PIP5K1C: variants seen among roughly 807,000 people sequenced by gnomAD.
PIP5K1C encodes the protein phosphatidylinositol-4-phosphate 5-kinase type 1 gamma.
In PIP5K1C, 45 loss-of-function variants were observed where a neutral mutation model predicts 80.1. That is an observed-to-expected ratio of 0.56 (90% CI 0.44 to 0.72). The LOEUF (loss-of-function observed/expected upper bound fraction) is 0.72. Among genes scored for constraint, PIP5K1C ranks in the 30% least tolerant of loss-of-function variants. The pLI, the probability that PIP5K1C is intolerant of heterozygous loss-of-function variation, is 0.00. For synonymous variants in PIP5K1C, 498 were observed against 420.1 expected, an observed-to-expected ratio of 1.19 and a Z score of -2.27; for missense variants, 753 against 954.6, an observed-to-expected ratio of 0.79 and a Z score of 2.78.
chr19:3,635,150 G>T (rs530891597), intron 16 of PIP5K1C, among the ~76,000 whole-genome samples: 50 of 152,400 alleles, frequency 3.3e-4, no homozygotes, highest in Middle Eastern at 6.8e-3. Context: ...CCGCAGGGAG[G>T]AGGGTGGCAG....
intron 6 of PIP5K1C, among the ~76,000 whole-genome samples, chr19:3,655,094 C>CTGGGTGACA (rs1202698959): frequency 8.5e-4 from 90 of 105,680 alleles, no homozygotes; most frequent in African/African-American, 3.3e-3. Flanking sequence ...GGTGACAGAG[C>CTGGGTGACA]GAGACTCCAT....
intron 1 of PIP5K1C, among the ~76,000 whole-genome samples, chr19:3,676,547 C>G (rs1385428840): frequency 3.9e-5 from 6 of 152,210 alleles, no homozygotes; most frequent in Admixed American, 6.5e-5. Flanking sequence ...GCCTTCGCCC[C>G]CCACGGCCCA....
At position 3,653,300 on chromosome 19, in the gene PIP5K1C, C is replaced by T. The variant is rs889464082; in HGVS notation, c.911G>A (p.Arg304Gln). ...TFSALVKTLQ[R>Q]DCLVLESFKI... The stretch of plus-strand genomic sequence containing the variant: ...GGGCCGAGCCCTCACCAGGCAGTCC[C>T]GCTGCAGCGTCTTGACCAGGGCGCT... Residue 304 changes from arginine to glutamine, a missense_variant, in exon 7 of 18, where the codon CGG (arginine) becomes CAG (glutamine). This residue lies in a region of PIP5K1C where 105 missense variants were observed against 133.4 expected (regional missense o/e 0.79). Coordinates refer to ENST00000335312, the MANE Select transcript of PIP5K1C (RefSeq NM_012398.3). 1 of 1,607,406 alleles carries T rather than the reference C, an allele frequency of 6.2e-7. No homozygotes were observed. The highest frequency in any genetic ancestry group is 8.5e-7 in the Non-Finnish European group (1 of 1,179,842).
intron 1 of PIP5K1C, among the ~76,000 whole-genome samples, chr19:3,669,303 G>A (rs1213595672): frequency 6.6e-6 from 1 of 152,208 alleles, no homozygotes; most frequent in Non-Finnish European, 1.5e-5. Flanking sequence ...CTCTGGGCTG[G>A]GCAGCAGTGC....
Position 3,637,966 on chromosome 19 carries a change from C to CG in PIP5K1C, c.1920+917_1920+918insC. 6.5e-7 allele frequency: 1 copy of CG among 1,532,900 alleles called. No individual in the cohort carries two copies. The highest frequency in any genetic ancestry group is 2.4e-5 in the East Asian group (1 of 40,892). The allele number at this position is 1,532,900 out of a possible 1,614,324, so 95.0% of individuals were successfully genotyped here. On this transcript the variant is annotated intron_variant, in intron 16 of 17. Coordinates refer to ENST00000335312, the MANE Select transcript of PIP5K1C (RefSeq NM_012398.3). This position sits in a 1 kb window ranked among gnomAD's most constrained non-coding sequence, Gnocchi z 7.0. ...CAGGCACGCGGCCCGTCCCTCCCTT[C>CG]TCCAGGGCCAGGTGGGTGCATGGGG...
At chr19:3,683,305 G>A (rs1342211488) in intron 1 of PIP5K1C, among the ~76,000 whole-genome samples, 4 of 152,290 alleles carry the variant, frequency 2.6e-5, no homozygotes, top group African/African-American at 4.8e-5. Flanking sequence ...GGAGTTCCAC[G>A]GAGATCTGGG....
At chr19:3,646,585 A>G in intron 10 of PIP5K1C, among the ~76,000 whole-genome samples, 1 of 152,198 alleles carries the variant, frequency 6.6e-6, no homozygotes, top group South Asian at 2.1e-4. Context: ...GCGGCAGCAC[A>G]GGACACCCTG....
intron 16 of PIP5K1C, among the ~76,000 whole-genome samples, chr19:3,635,539 T>C (rs1360108645): frequency 6.6e-6 from 1 of 151,794 alleles, no homozygotes; most frequent in Non-Finnish European, 1.5e-5. Context: ...CAAAAAATTA[T>C]TGGGGCATGG....
intron 1 of PIP5K1C, among the ~76,000 whole-genome samples, chr19:3,670,341 G>C (rs995475929): frequency 6.6e-6 from 1 of 152,082 alleles, no homozygotes; most frequent in Non-Finnish European, 1.5e-5. Flanking sequence ...GAGTGGGGTG[G>C]GCCCTGGATC....
intron 1 of PIP5K1C, among the ~76,000 whole-genome samples, chr19:3,674,613 C>G (rs1201270349): frequency 6.6e-6 from 1 of 152,208 alleles, no homozygotes; most frequent in East Asian, 1.9e-4. Flanking sequence ...AGCGATTCTC[C>G]TGCCTCAGCC....
At position 3,697,446 on chromosome 19, in the gene PIP5K1C, G is replaced by A. The variant is rs538700030; in HGVS notation, c.94+2851C>T. Among the ~76,000 whole-genome samples, 4 of 151,740 alleles carry A rather than the reference G, an allele frequency of 2.6e-5. No individual in the cohort carries two copies. In the South Asian group the frequency reaches 6.3e-4, roughly 24 times the overall value. ...CGGAGGAGGACCGAGCTGTACGGAG[G>A]AGGACCGAGCTGGACCGAGGAGGAC... On this transcript the variant is annotated intron_variant, in intron 1 of 17. Coordinates refer to ENST00000335312, the MANE Select transcript of PIP5K1C (RefSeq NM_012398.3).
chr19:3,695,357 G>C (rs2036070174), intron 1 of PIP5K1C, among the ~76,000 whole-genome samples: 1 of 152,206 alleles, frequency 6.6e-6, no homozygotes, highest in African/African-American at 2.4e-5. Context: ...TCCTCCAACA[G>C]CAACCTGGGA....
At chr19:3,652,678 A>G (rs2034495351) in intron 7 of PIP5K1C, among the ~76,000 whole-genome samples, 1 of 152,144 alleles carries the variant, frequency 6.6e-6, no homozygotes, top group Admixed American at 6.5e-5. Flanking sequence ...GCTAACACGG[A>G]GCCAACGCAG....
chr19:3,675,388 T>C lies in PIP5K1C; in HGVS notation c.95-8035A>G, dbSNP rs554409003. On this transcript the variant is annotated intron_variant, in intron 1 of 17. Transcript: ENST00000335312. ...CAGTTTGCTTGTCTCTAAAGGAGGT[T>C]GGGGGACTTGGTCAAGGCTTGACCA... 3.0e-3 allele frequency among the ~76,000 whole-genome samples: 458 copies of C among 152,144 alleles called. 4 individuals carry two copies. The highest frequency in any genetic ancestry group is 0.01 in the African/African-American group (432 of 41,514).
At chr19:3,645,028 G>C (rs2034152229) in intron 11 of PIP5K1C, among the ~76,000 whole-genome samples, 1 of 152,234 alleles carries the variant, frequency 6.6e-6, no homozygotes, top group African/African-American at 2.4e-5. Context: ...TGGCTCTCTG[G>C]AGACAGATCC....
At chr19:3,699,923 A>G (rs1046691055) in intron 1 of PIP5K1C, among the ~76,000 whole-genome samples, 1 of 152,208 alleles carries the variant, frequency 6.6e-6, no homozygotes, top group Non-Finnish European at 1.5e-5. Flanking sequence ...GGGGACTTAC[A>G]GAAAGGGAGG....
intron 13 of PIP5K1C, 31 bp from the exon 14 acceptor site, chr19:3,642,970 A>T: frequency 6.2e-7 from 1 of 1,612,790 alleles, no homozygotes. Flanking sequence ...CGTGACACCC[A>T]GAAAGAGAGT....
intron 1 of PIP5K1C, among the ~76,000 whole-genome samples, chr19:3,676,106 A>C (rs1372790225): frequency 6.6e-6 from 1 of 152,186 alleles, no homozygotes; most frequent in African/African-American, 2.4e-5. Context: ...GGAGAGGTGG[A>C]AGGATTCTGA....
chr19:3,675,867 G>A (rs2035341149), intron 1 of PIP5K1C, among the ~76,000 whole-genome samples: 2 of 152,238 alleles, frequency 1.3e-5, no homozygotes, highest in Non-Finnish European at 1.5e-5. Context: ...AACAACCACA[G>A]ATGTCTCCAG....
Sources: gnomAD v4.1 joint callset for allele counts (sites outside exome capture counted in the v4.1 genomes callset) on GRCh38, gnomAD v4.1.1 for gene constraint, gnomAD v4.1.1 regional missense constraint, Gnocchi (gnomAD v3.1) non-coding constraint, MANE v1.5 for transcripts, NCBI Gene and HGNC (gene_info 2026-07-23, HGNC 2026-07-21) for gene names.